The following KCNG2 variants were observed in gnomAD, a reference collection of about 807,000 sequenced individuals.
KCNG2 encodes the protein voltage-gated potassium channel regulatory subunit KCNG2.
KCNG2 carries 7 observed loss-of-function variants against 12.3 expected under a neutral mutation model. The observed-to-expected ratio is 0.57, with a 90% CI of 0.32 to 1.07. KCNG2 has a LOEUF of 1.07. Ranked by LOEUF, KCNG2 falls within the 50% of genes least tolerant of loss-of-function variation. The pLI, the probability that KCNG2 is intolerant of heterozygous loss-of-function variation, is 0.04. For missense variants in KCNG2, 703 were observed against 726.0 expected, an observed-to-expected ratio of 0.97 and a Z score of 0.36; for synonymous variants, 414 against 351.4, an observed-to-expected ratio of 1.18 and a Z score of -1.99.
chr18:79,872,346 C>G (rs1347086445), intron 3 of KCNG2, among the ~76,000 whole-genome samples: 1 of 117,102 alleles, frequency 8.5e-6, no homozygotes, highest in African/African-American at 3.1e-5. Context: ...AGTGCAATGG[C>G]GCAATCACAG....
intron 3 of KCNG2, among the ~76,000 whole-genome samples, chr18:79,868,456 C>A (rs147390569): frequency 7.6e-4 from 116 of 152,324 alleles, no homozygotes; most frequent in African/African-American, 2.6e-3. Context: ...CGTGTCCGAG[C>A]GTTGCAGCTG....
rs1979312597 is a variant in KCNG2, at chr18:79,863,648, G to A, written c.-20G>A. On this transcript the variant is annotated 5_prime_UTR_variant, in exon 3 of 4. Transcript: ENST00000316249. The stretch of plus-strand genomic sequence containing the variant: ...TGCAGGAGCCGGGCAGGAGCCCCTC[G>A]GTCCGGTCCGGCCCTGCGCATGGAG... 3.3e-6 allele frequency: 4 copies of A among 1,211,578 alleles called. No individual in the cohort carries two copies. Among genetic ancestry groups the A allele is most frequent in the East Asian group, 3.4e-5 (1 of 29,550 alleles). 75.1% of individuals were successfully genotyped at this position (1,211,578 alleles called of 1,614,324 possible). A position where few individuals can be genotyped will look rare whatever the true frequency, so the allele number is the denominator to read the frequency against.
chr18:79,822,764 A>G lies in KCNG2; in HGVS notation c.-115+24750A>G, dbSNP rs1459493630. On this transcript the variant is annotated intron_variant, in intron 1 of 3. Transcript: ENST00000316249. This position sits in a 1 kb window ranked among gnomAD's most constrained non-coding sequence, Gnocchi z 4.4. ...TGCTGTGCTCACCCCGAGAGACTGGAGCCTGCTGCGTGTGGCTCTTCTAGT... is the reference window on the plus strand; with the variant it reads ...TGCTGTGCTCACCCCGAGAGACTGGGGCCTGCTGCGTGTGGCTCTTCTAGT... 6.6e-6 allele frequency among the ~76,000 whole-genome samples: 1 copy of G among 152,052 alleles called. No individual in the cohort carries two copies. Among genetic ancestry groups the G allele is most frequent in the East Asian group, 1.9e-4 (1 of 5,190 alleles).
At chr18:79,857,255 CT>C (rs1979049100) in intron 2 of KCNG2, among the ~76,000 whole-genome samples, 2 of 150,426 alleles carry the variant, frequency 1.3e-5, no homozygotes, top group Non-Finnish European at 3.0e-5. Flanking sequence ...CACGTCCCCC[CT>C]CTTCTCATGC....
intron 1 of KCNG2, among the ~76,000 whole-genome samples, chr18:79,844,120 C>T (rs946229399): frequency 2.0e-5 from 3 of 152,100 alleles, no homozygotes; most frequent in African/African-American, 7.2e-5. Context: ...CTCTCATGAT[C>T]ATTGTAGCAT....
At chr18:79,865,784 CTG>C in intron 3 of KCNG2, among the ~76,000 whole-genome samples, 1 of 114,292 alleles carries the variant, frequency 8.7e-6, no homozygotes, top group African/African-American at 3.2e-5. Flanking sequence ...GCTGAGAAGT[CTG>C]GGTGCTGAGA....
chr18:79,831,561 GTACA>G (rs1568249642), intron 1 of KCNG2, among the ~76,000 whole-genome samples: 6 of 121,398 alleles, frequency 4.9e-5, no homozygotes, highest in African/African-American at 1.2e-4. Context: ...CGTGCCCTGC[GTACA>G]GAGCCTTCGT....
intron 1 of KCNG2, among the ~76,000 whole-genome samples, chr18:79,811,724 T>C (rs2087495424): frequency 6.6e-6 from 1 of 152,174 alleles, no homozygotes; most frequent in African/African-American, 2.4e-5. Context: ...CAATCATGTA[T>C]TTTCCTGAAA....
At chr18:79,850,878 C>T (rs527914836) in intron 1 of KCNG2, among the ~76,000 whole-genome samples, 1 of 152,310 alleles carries the variant, frequency 6.6e-6, no homozygotes, top group Non-Finnish European at 1.5e-5. Context: ...GGGCAGGCGC[C>T]GGACCAGGTG....
rs1010026978 is a variant in KCNG2 at position 79,819,750 on chromosome 18, C to T, written c.-115+21736C>T. Among the ~76,000 whole-genome samples, 13 of 152,326 alleles carry T rather than the reference C, an allele frequency of 8.5e-5. 1 individual carries two copies. Among genetic ancestry groups the T allele is most frequent in the Middle Eastern group, 6.8e-3 (2 of 294 alleles). ...TTTTAACTATTTCAAGTGGACAGTT[C>T]AGTAGCATGAATTCCAACCGCCGTG... On this transcript the variant is annotated intron_variant, in intron 1 of 3. Transcript: ENST00000316249.
chr18:79,828,445 T>TGG (rs1491087589), intron 1 of KCNG2, among the ~76,000 whole-genome samples: 1 of 44,704 alleles, frequency 2.2e-5, no homozygotes, highest in African/African-American at 3.4e-5. Context: ...TGCAAGTGTG[T>TGG]GGTGTGTGTG....
chr18:79,820,006 G>A (rs151189721), intron 1 of KCNG2, among the ~76,000 whole-genome samples: 161 of 152,302 alleles, frequency 1.1e-3, no homozygotes, highest in Non-Finnish European at 1.3e-3. Flanking sequence ...AGCTCCAGCC[G>A]CGCTCCGAGG....
intron 2 of KCNG2, among the ~76,000 whole-genome samples, chr18:79,862,356 A>C (rs11081569): frequency 0.35 from 53,676 of 152,094 alleles, 11,243 homozygotes; most frequent in Non-Finnish European, 0.45. Flanking sequence ...TGTCTGTTCC[A>C]ATAGCTTAGA....
At chr18:79,823,403 T>C (rs904389723) in intron 1 of KCNG2, among the ~76,000 whole-genome samples, 3 of 152,084 alleles carry the variant, frequency 2.0e-5, no homozygotes, top group Non-Finnish European at 2.9e-5. Context: ...TGTTGCCACA[T>C]TCCTCCCTCC....
intron 3 of KCNG2, among the ~76,000 whole-genome samples, chr18:79,896,454 C>A (rs1980979141): frequency 6.6e-6 from 1 of 152,168 alleles, no homozygotes; most frequent in South Asian, 2.1e-4. Flanking sequence ...CACATTGTTA[C>A]AATTGTTGCT....
At chr18:79,802,306 G>A (rs893869021) in intron 1 of KCNG2, among the ~76,000 whole-genome samples, 1 of 152,314 alleles carries the variant, frequency 6.6e-6, no homozygotes, top group Admixed American at 6.5e-5. Flanking sequence ...ATGGAGGGGC[G>A]TCTGGGGACC....
At chr18:79,866,840 A>AGTGTGGGTGCTGAG (rs1363297932) in intron 3 of KCNG2, among the ~76,000 whole-genome samples, 10 of 21,706 alleles carry the variant, frequency 4.6e-4, no homozygotes, top group Non-Finnish European at 1.1e-3. Flanking sequence ...GTGTGCTGAG[A>AGTGTGGGTGCTGAG]GTGTGGGTGC....
rs566934767 is a variant in KCNG2, at chr18:79,842,440, C to T, written c.-114-13939C>T. Reference sequence around the variant, plus strand: ...AAATACTCAGATACCAATGCAAGGGCACAAGGATCATGAATAATCAGGGAA... The same window carrying T: ...AAATACTCAGATACCAATGCAAGGGTACAAGGATCATGAATAATCAGGGAA... On this transcript the variant is annotated intron_variant, in intron 1 of 3. Coordinates refer to ENST00000316249, the MANE Select transcript of KCNG2 (RefSeq NM_012283.2). 2.6e-5 allele frequency among the ~76,000 whole-genome samples: 4 copies of T among 152,260 alleles called. No homozygotes were observed. The South Asian group carries it at 6.2e-4, about 24-fold the overall frequency.
Position 79,822,856 on chromosome 18 carries a change from C to T in KCNG2, c.-115+24842C>T, listed in dbSNP as rs527504890. ...ACCTGGGAGAGCCCTTGTCTCCCCACGCTTCCGTGGGGTTGTGGATTCCTT... is the reference window on the plus strand; with the variant it reads ...ACCTGGGAGAGCCCTTGTCTCCCCATGCTTCCGTGGGGTTGTGGATTCCTT... On this transcript the variant is annotated intron_variant, in intron 1 of 3. Coordinates refer to ENST00000316249, the MANE Select transcript of KCNG2 (RefSeq NM_012283.2). The surrounding 1 kb of genome is among the most constrained non-coding windows in gnomAD (Gnocchi z 4.4). Among the ~76,000 whole-genome samples, 83 of 152,240 alleles carry T rather than the reference C, an allele frequency of 5.5e-4. No individual in the cohort carries two copies. Among genetic ancestry groups the T allele is most frequent in the Middle Eastern group, 3.2e-3 (1 of 316 alleles).
Sources: gnomAD v4.1 joint callset for allele counts (sites outside exome capture counted in the v4.1 genomes callset) on GRCh38, gnomAD v4.1.1 for gene constraint, Gnocchi (gnomAD v3.1) non-coding constraint, MANE v1.5 for transcripts, NCBI Gene and HGNC (gene_info 2026-07-23, HGNC 2026-07-21) for gene names.